TMEM67: variants seen among roughly 807,000 people sequenced by gnomAD.
TMEM67 encodes meckelin.
TMEM67 carries 124 observed loss-of-function variants against 136.6 expected under a neutral mutation model. That is an observed-to-expected ratio of 0.91 (90% confidence interval 0.78 to 1.05). The LOEUF is 1.05. TMEM67 is among the 50% of genes least tolerant of loss of function. The pLI is 0.00. For synonymous variants in TMEM67, 364 were observed against 390.5 expected (o/e 0.93, Z 0.80); for missense variants, 1,107 against 1,178.4 (o/e 0.94, Z 0.89).
At chr8:93,831,328 G>T in the TMEM67 span, among the ~76,000 whole-genome samples, 11 of 152,194 alleles carry the variant, frequency 7.2e-5, no homozygotes, top group African/African-American at 2.4e-4. Flanking sequence ...ATTTAGCTCA[G>T]CTGATGAAGC....
chr8:93,766,573 G>T (rs1813092938), intron 6 of TMEM67, among the ~76,000 whole-genome samples: 1 of 152,166 alleles, frequency 6.6e-6, no homozygotes, highest in South Asian at 2.1e-4. Flanking sequence ...AGAGTTAGAT[G>T]ACTAGGAGTT....
At position 93,787,857 on chromosome 8, in the gene TMEM67, C is replaced by T. The variant is rs145236803; in HGVS notation, c.1426C>T (p.Pro476Ser). 745 of 1,613,188 alleles carry T rather than the reference C, an allele frequency of 4.6e-4. 1 individual carries two copies. Among genetic ancestry groups the T allele is most frequent in the Non-Finnish European group, 4.7e-4 (554 of 1,179,274 alleles). ...TQISLSVHLV[P>S]NTINGNIYPP... ...TCTTTTAAATAGTGTCCACCTTGTACCCAACACAATAAATGGAAACATCTA... is the reference window on the plus strand; with the variant it reads ...TCTTTTAAATAGTGTCCACCTTGTATCCAACACAATAAATGGAAACATCTA... Residue 476 changes from proline to serine, a missense_variant, in exon 14 of 28, where the codon CCC becomes TCC. Physicochemically the swap from Pro to Ser is moderately conservative, Grantham distance 74. Around this residue, in one of 3 missense-constraint regions of TMEM67, gnomAD observed 925 missense variants for 1,002.4 expected, o/e 0.92. Coordinates refer to ENST00000453321, the MANE Select transcript of TMEM67 (RefSeq NM_153704.6).
intron 7 of TMEM67, among the ~76,000 whole-genome samples, chr8:93,777,611 C>T (rs898206223): frequency 1.3e-5 from 2 of 152,136 alleles, no homozygotes; most frequent in African/African-American, 4.8e-5. Context: ...TCATTATTTA[C>T]CCAGTAGTCA....
At chr8:93,805,274 A>G (rs533941737) in intron 23 of TMEM67, among the ~76,000 whole-genome samples, 26 of 151,290 alleles carry the variant, frequency 1.7e-4, no homozygotes, top group South Asian at 1.3e-3. Flanking sequence ...CACCTGGCCT[A>G]TTTATCACTT....
At chr8:93,766,804 G>C (rs1813101114) in intron 6 of TMEM67, among the ~76,000 whole-genome samples, 1 of 152,062 alleles carries the variant, frequency 6.6e-6, no homozygotes, top group Non-Finnish European at 1.5e-5. Flanking sequence ...GAGGAAGACA[G>C]GCAAGTACCA....
At chr8:93,768,193 T>G (rs1393830722) in intron 6 of TMEM67, among the ~76,000 whole-genome samples, 1 of 152,154 alleles carries the variant, frequency 6.6e-6, no homozygotes, top group Non-Finnish European at 1.5e-5. Flanking sequence ...TAATCAGTTT[T>G]GTAGGATAAA....
intron 20 of TMEM67, among the ~76,000 whole-genome samples, chr8:93,798,942 A>AGTGTGTGTGTGT (rs35511670): frequency 4.0e-4 from 57 of 143,484 alleles, no homozygotes; most frequent in South Asian, 9.2e-4. Flanking sequence ...GTACTAAAGT[A>AGTGTGTGTGTGT]GTGTGTGTGT....
At chr8:93,803,557 T>C (rs1441097663) in intron 21 of TMEM67, 47 bp from the exon 22 acceptor site, 3 of 1,295,822 alleles carry the variant, frequency 2.3e-6, no homozygotes, top group Non-Finnish European at 2.2e-6. Flanking sequence ...TAAAAGAAAA[T>C]TAAAATCCTA....
At chr8:93,831,471 T>A in the TMEM67 span, among the ~76,000 whole-genome samples, 1 of 152,214 alleles carries the variant, frequency 6.6e-6, no homozygotes, top group African/African-American at 2.4e-5. Context: ...ATTACTAATA[T>A]AACAGGACTA....
intron 22 of TMEM67, among the ~76,000 whole-genome samples, chr8:93,804,310 C>CTTTTTTTTTTTTTTTTTTT (rs1182297223): frequency 1.1e-5 from 1 of 93,810 alleles, no homozygotes; most frequent in Non-Finnish European, 2.1e-5. Flanking sequence ...CTTTTCTTTT[C>CTTTTTTTTTTTTTTTTTTT]TTTTTTTTTT....
intron 14 of TMEM67, among the ~76,000 whole-genome samples, chr8:93,788,390 C>T (rs1292355819): frequency 3.3e-5 from 5 of 152,094 alleles, no homozygotes; most frequent in Admixed American, 1.3e-4. Flanking sequence ...TGGTGAAACC[C>T]CGTCTTTACT....
chr8:93,785,910 C>CAA, intron 12 of TMEM67: 2 of 333,122 alleles, frequency 6.0e-6, no homozygotes, highest in Non-Finnish European at 1.1e-5. Context: ...CTGGTTGCTA[C>CAA]AAAAAAAAAT....
chr8:93,792,743 A>G (rs1209173684), intron 15 of TMEM67, among the ~76,000 whole-genome samples: 1 of 149,980 alleles, frequency 6.7e-6, no homozygotes, highest in Non-Finnish European at 1.5e-5. Context: ...GGCCATTACA[A>G]GTTCCTCCAA....
chr8:93,803,607 G>A lies in TMEM67; in HGVS notation c.2245G>A (p.Val749Met), dbSNP rs753896569. Residue 749 changes from valine (V) to methionine (M), a missense_variant, in exon 22 of 28, where the codon GTG becomes ATG. Val to Met is a conservative substitution (Grantham distance 21, BLOSUM62 1). Around this residue, in one of 3 missense-constraint regions of TMEM67, gnomAD observed 925 missense variants for 1,002.4 expected, o/e 0.92. Transcript: ENST00000453321. ...TAAACTTGACTTAATGTTTCAGGTC[G>A]TGTTCTTTGCTGTCTTTTATGAGAG... The part of the protein sequence containing the change: ...LWLAIGIIQV[V>M]FFAVFYERFI... 1.3e-5 allele frequency: 21 copies of A among 1,589,810 alleles called. No individual in the cohort carries two copies. Among genetic ancestry groups the A allele is most frequent in the South Asian group, 3.3e-5 (3 of 90,508 alleles).
intron 11 of TMEM67, among the ~76,000 whole-genome samples, chr8:93,783,554 AT>A (rs1813947696): frequency 6.6e-6 from 1 of 152,046 alleles, no homozygotes; most frequent in African/African-American, 2.4e-5. Context: ...AAATTACATT[AT>A]TTTACTAAGG....
chr8:93,758,446 TA>T, intron 2 of TMEM67, 36 bp from the exon 3 acceptor site: 1 of 1,512,696 alleles, frequency 6.6e-7, no homozygotes, highest in Non-Finnish European at 9.2e-7. Context: ...GAAAGTTAAT[TA>T]AAAAAGAGAA....
At chr8:93,828,635 G>A in the TMEM67 span, among the ~76,000 whole-genome samples, 27 of 151,962 alleles carry the variant, frequency 1.8e-4, no homozygotes, top group African/African-American at 6.5e-4. Context: ...AGCTACTCGG[G>A]GGGTGGGGCT....
At chr8:93,773,543 TAC>T (rs1210048244) in intron 7 of TMEM67, among the ~76,000 whole-genome samples, 7 of 152,190 alleles carry the variant, frequency 4.6e-5, no homozygotes, top group African/African-American at 1.7e-4. Context: ...GAGAAGCATT[TAC>T]CTTCAGCTAT....
chr8:93,758,250 T>C (rs1296727017), intron 2 of TMEM67, among the ~76,000 whole-genome samples: 1 of 152,212 alleles, frequency 6.6e-6, no homozygotes, highest in East Asian at 1.9e-4. Context: ...AAGAGAGAAC[T>C]ATTATCCGGA....
Sources: gnomAD v4.1 joint callset for allele counts (sites outside exome capture counted in the v4.1 genomes callset) on GRCh38, gnomAD v4.1.1 for gene constraint, gnomAD v4.1.1 regional missense constraint, MANE v1.5 for transcripts, NCBI Gene and HGNC (gene_info 2026-07-23, HGNC 2026-07-21) for gene names.